Variants in DPF3 observed in about 807,000 individuals in gnomAD.
DPF3 encodes the protein double PHD fingers 3.
DPF3 carries 18 observed loss-of-function variants against 56.8 expected under a neutral mutation model. The observed-to-expected ratio is 0.32, with a 90% CI of 0.22 to 0.47. The LOEUF (loss-of-function observed/expected upper bound fraction) is 0.47, where lower values mean the gene tolerates loss of function less well. DPF3 is among the 20% of genes least tolerant of loss of function. The probability of loss-of-function intolerance (pLI) is 1.00; values close to 1 mark genes in which losing one functional copy is unlikely to be tolerated. For missense variants in DPF3, 403 were observed against 488.8 expected (o/e 0.82, Z 1.65); for synonymous variants, 188 against 180.2 (o/e 1.04, Z -0.35).
chr14:72,640,046 TAAAAAAAAAAAAAAAAAA>T (rs370070354), intron 8 of DPF3, among the ~76,000 whole-genome samples: 25 of 45,268 alleles, frequency 5.5e-4, no homozygotes, highest in Non-Finnish European at 9.5e-4. Flanking sequence ...GTTTTCTAAG[TAAAAAAAAAAAAAAAAAA>T]AAAAAAAAAA....
chr14:72,625,908 G>T (rs915867445), intron 9 of DPF3, among the ~76,000 whole-genome samples: 6 of 152,056 alleles, frequency 3.9e-5, no homozygotes, highest in Non-Finnish European at 8.8e-5. Context: ...TTCAAATCTA[G>T]CATACGTAGT....
At chr14:72,676,310 C>A (rs1886905110) in intron 7 of DPF3, among the ~76,000 whole-genome samples, 1 of 152,174 alleles carries the variant, frequency 6.6e-6, no homozygotes, top group African/African-American at 2.4e-5. Flanking sequence ...TAAAAACTTA[C>A]AGGGGGCCTA....
intron 5 of DPF3, among the ~76,000 whole-genome samples, chr14:72,718,363 T>C (rs1889018363): frequency 6.6e-6 from 1 of 152,142 alleles, no homozygotes; most frequent in Admixed American, 6.5e-5. Flanking sequence ...TCTCAAACAG[T>C]GTGGCCCAGG....
chr14:72,779,120 T>C lies in DPF3; in HGVS notation c.33-7227A>G, dbSNP rs145718979. Among the ~76,000 whole-genome samples the C allele has an allele frequency of 6.6e-5, 10 of 152,312 alleles. 1 individual carries two copies. The highest frequency in any genetic ancestry group is 2.2e-4 in the African/African-American group (9 of 41,576). On this transcript the variant is annotated intron_variant, in intron 1 of 10. Coordinates refer to ENST00000556509, the MANE Select transcript of DPF3 (RefSeq NM_001280542.3). The stretch of plus-strand genomic sequence containing the variant: ...ATAACAGGTGCCCAGTAAGTCTCCA[T>C]TGAAAAGCATTTGACAACTCACATT...
rs183449906 is a variant in DPF3, at chr14:72,636,918, T to C, written c.872-7182A>G. 3.3e-4 allele frequency among the ~76,000 whole-genome samples: 50 copies of C among 152,316 alleles called. 1 individual carries two copies. The East Asian group carries it at 6.2e-3, about 19-fold the overall frequency. On this transcript the variant is annotated intron_variant, in intron 8 of 10. Transcript: ENST00000556509. ...ACAAAAATGCATTAAAAATAAATGA[T>C]AGCGTGAGCTGTGTGGCTGCCCTTT...
At chr14:72,758,754 C>T (rs1222141617) in intron 2 of DPF3, among the ~76,000 whole-genome samples, 1 of 152,134 alleles carries the variant, frequency 6.6e-6, no homozygotes, top group East Asian at 1.9e-4. Flanking sequence ...ATACTTAGCC[C>T]TAGACTAAGT....
intron 1 of DPF3, among the ~76,000 whole-genome samples, chr14:72,819,364 G>C (rs892717904): frequency 6.6e-6 from 1 of 152,164 alleles, no homozygotes; most frequent in Non-Finnish European, 1.5e-5. Context: ...AAAAGAAATG[G>C]GGGAAAATGG....
intron 1 of DPF3, among the ~76,000 whole-genome samples, chr14:72,871,138 C>T (rs764911912): frequency 3.9e-5 from 6 of 152,244 alleles, no homozygotes; most frequent in Non-Finnish European, 7.4e-5. Flanking sequence ...CAGGAAAGAC[C>T]AGCCCCCATG....
chr14:72,638,669 CT>C (rs2153567625), intron 8 of DPF3, among the ~76,000 whole-genome samples: 1 of 152,170 alleles, frequency 6.6e-6, no homozygotes, highest in East Asian at 1.9e-4. Flanking sequence ...CTAATTTTTT[CT>C]TCCAAAAAAT....
chr14:72,684,533 GA>G (rs1368167852), intron 7 of DPF3, among the ~76,000 whole-genome samples: 21 of 143,752 alleles, frequency 1.5e-4, no homozygotes, highest in Non-Finnish European at 2.4e-4. Context: ...AAGTTTAGAA[GA>G]AAAAAAAAAT....
Position 72,714,468 on chromosome 14 carries a change from C to T in DPF3, c.559G>A (p.Asp187Asn), listed in dbSNP as rs766934791. 44 of 1,613,708 alleles carry T rather than the reference C, an allele frequency of 2.7e-5. 1 individual carries two copies. Among genetic ancestry groups the T allele is most frequent in the Middle Eastern group, 1.6e-4 (1 of 6,080 alleles). The change falls in exon 6 of 11, where the codon GAC becomes AAC. Residue 187 changes from aspartate to asparagine, a missense_variant. Asp to Asn is a conservative substitution (Grantham distance 23, BLOSUM62 1). This residue lies in a region of DPF3 where 340 missense variants were observed against 374.3 expected (regional missense o/e 0.91). Transcript: ENST00000556509. Reference protein sequence around the residue: ...RGSAGGRRRHDAASQEDHDKP... With the variant: ...RGSAGGRRRHNAASQEDHDKP... ...TCGTGGTCTTCCTGAGAGGCGGCGT[C>T]GTGCCTCCTCCTGCCCCCTGCAGAG... is the stretch of plus-strand genomic sequence containing the variant.
intron 1 of DPF3, among the ~76,000 whole-genome samples, chr14:72,817,124 G>A (rs11627048): frequency 0.19 from 28,203 of 152,062 alleles, 3,016 homozygotes; most frequent in East Asian, 0.38. Context: ...GGGGGACAGC[G>A]TCCAGGGGTC....
Position 72,619,989 on chromosome 14 carries a change from T to C in DPF3, c.985-5A>G. The C allele has an allele frequency of 1.3e-6, 2 of 1,533,528 alleles. No individual in the cohort carries two copies. The highest frequency in any genetic ancestry group is 1.7e-6 in the Non-Finnish European group (2 of 1,145,462). The allele number at this position is 1,533,528 out of a possible 1,614,324, so 95.0% of individuals were successfully genotyped here. A position where few individuals can be genotyped will look rare whatever the true frequency, so the allele number is the denominator to read the frequency against. ...ATCGCAGAAGAGTAGCTGGTCCTGG[T>C]GGAACACAGAGTAAGCACAGAGGAG... On this transcript the variant is annotated splice_region_variant and splice_polypyrimidine_tract_variant and intron_variant, in intron 9 of 10. Coordinates refer to ENST00000556509, the MANE Select transcript of DPF3 (RefSeq NM_001280542.3).
chr14:72,880,378 A>G (rs143409229), intron 1 of DPF3, among the ~76,000 whole-genome samples: 14 of 152,350 alleles, frequency 9.2e-5, no homozygotes, highest in African/African-American at 2.6e-4. Flanking sequence ...GCAGTTGCCT[A>G]GCAACGAGTA....
chr14:72,853,213 TG>T (rs887203900), intron 1 of DPF3: 4 of 134,296 alleles, frequency 3.0e-5, no homozygotes, highest in Non-Finnish European at 6.4e-5. Flanking sequence ...AGCATGTTGT[TG>T]TTTTTTTTTT....
At chr14:72,842,012 A>T (rs1884562071) in intron 1 of DPF3, among the ~76,000 whole-genome samples, 2 of 151,586 alleles carry the variant, frequency 1.3e-5, no homozygotes, top group African/African-American at 4.8e-5. Flanking sequence ...GCTTGAGCCC[A>T]GGAGGTCAAG....
chr14:72,884,956 A>ATATATATATATATATATG (rs1886473402), intron 1 of DPF3, among the ~76,000 whole-genome samples: 2 of 97,302 alleles, frequency 2.1e-5, no homozygotes, highest in Non-Finnish European at 4.4e-5. Flanking sequence ...ATATATATAT[A>ATATATATATATATATATG]TATATATATA....
chr14:72,867,855 C>T (rs1442752869), intron 1 of DPF3, among the ~76,000 whole-genome samples: 1 of 152,148 alleles, frequency 6.6e-6, no homozygotes, highest in Non-Finnish European at 1.5e-5. Flanking sequence ...CCTCCCACCT[C>T]GGCCTCCTGT....
intron 1 of DPF3, among the ~76,000 whole-genome samples, chr14:72,843,035 A>T (rs927370381): frequency 1.3e-5 from 2 of 152,116 alleles, no homozygotes; most frequent in African/African-American, 4.8e-5. Context: ...AAAAATAAAT[A>T]AATAAATAAA....
Sources: allele counts gnomAD v4.1 joint callset (sites outside exome capture counted in the v4.1 genomes callset), GRCh38; gene constraint gnomAD v4.1.1; regional missense constraint gnomAD v4.1.1; transcripts MANE v1.5; gene names NCBI Gene and HGNC (gene_info 2026-07-23, HGNC 2026-07-21).